The following LRRTM4 variants were observed in gnomAD, a reference collection of about 807,000 sequenced individuals.
LRRTM4 encodes the protein leucine-rich repeat transmembrane neuronal protein 4.
In LRRTM4, 25 loss-of-function variants were observed where a neutral mutation model predicts 47.6. That is an observed-to-expected ratio of 0.53 (90% confidence interval 0.38 to 0.73). The LOEUF is 0.73. LRRTM4 is among the 30% of genes least tolerant of loss of function. The probability of loss-of-function intolerance (pLI) is 0.00; values close to 1 mark genes in which losing one functional copy is unlikely to be tolerated. For missense variants in LRRTM4, 638 were observed against 713.4 expected (o/e 0.89, Z 1.20); for synonymous variants, 311 against 269.5 (o/e 1.15, Z -1.51).
At chr2:77,275,852 C>A (rs980728003) in intron 3 of LRRTM4, among the ~76,000 whole-genome samples, 1 of 151,886 alleles carries the variant, frequency 6.6e-6, no homozygotes, top group African/African-American at 2.4e-5. Context: ...ATAATAAGAG[C>A]TTTTCTCAGT....
chr2:77,006,240 T>C (rs1054198643), intron 3 of LRRTM4, among the ~76,000 whole-genome samples: 3 of 152,120 alleles, frequency 2.0e-5, no homozygotes, highest in East Asian at 3.9e-4. Context: ...TGGGCTAGGA[T>C]CCATTCTTTA....
chr2:77,341,042 T>C (rs992686749), intron 3 of LRRTM4, among the ~76,000 whole-genome samples: 10 of 151,896 alleles, frequency 6.6e-5, no homozygotes, highest in African/African-American at 2.4e-4. Context: ...ACAGTGGCTA[T>C]AGTGGATGTC....
At chr2:77,161,954 C>T (rs537014549) in intron 3 of LRRTM4, among the ~76,000 whole-genome samples, 18 of 152,268 alleles carry the variant, frequency 1.2e-4, no homozygotes, top group African/African-American at 3.1e-4. Context: ...CAGCTCCCAG[C>T]GTGAGCAACA....
At chr2:77,388,779 A>G (rs1003447941) in intron 3 of LRRTM4, among the ~76,000 whole-genome samples, 1 of 152,034 alleles carries the variant, frequency 6.6e-6, no homozygotes, top group Non-Finnish European at 1.5e-5. Flanking sequence ...CATTCACTGA[A>G]ATATATATAG....
intron 3 of LRRTM4, among the ~76,000 whole-genome samples, chr2:76,793,442 A>T (rs1573112918): frequency 6.6e-6 from 1 of 151,452 alleles, no homozygotes; most frequent in Non-Finnish European, 1.5e-5. Flanking sequence ...AGAATCAAGT[A>T]TTTTTTTTTC....
At chr2:76,880,259 AACTTTATTATCTATTTTTAAAAATTGC>A (rs1282463836) in intron 3 of LRRTM4, among the ~76,000 whole-genome samples, 2 of 152,154 alleles carry the variant, frequency 1.3e-5, no homozygotes, top group Admixed American at 6.5e-5. Context: ...CACCAAGGGA[AACTTTATTATCTATTTTTAAAAATTGC>A]CATAGCCACC....
Position 77,234,887 on chromosome 2 carries a change from C to G in LRRTM4, c.1551+283431G>C, listed in dbSNP as rs559486804. Among the ~76,000 whole-genome samples, 13 of 152,248 alleles carry G rather than the reference C, an allele frequency of 8.5e-5. 2 individuals are homozygous for G. In the South Asian group the frequency reaches 2.7e-3, roughly 32 times the overall value. ...GAACCTGGTTTATCAACACTTACCT[C>G]TTACCCTCCCTCCCCATCCAGTGTC... On this transcript the variant is annotated intron_variant, in intron 3 of 3. Transcript: ENST00000409884.
At chr2:77,063,185 C>T (rs1679847782) in intron 3 of LRRTM4, among the ~76,000 whole-genome samples, 1 of 152,054 alleles carries the variant, frequency 6.6e-6, no homozygotes, top group Admixed American at 6.6e-5. Context: ...GTCTCGAACG[C>T]CTGACCTCGT....
intron 3 of LRRTM4, among the ~76,000 whole-genome samples, chr2:76,951,042 A>G (rs1675476618): frequency 6.6e-6 from 1 of 152,112 alleles, no homozygotes; most frequent in Non-Finnish European, 1.5e-5. Context: ...GGAAATAAAT[A>G]CAGTAAGTGT....
chr2:76,989,330 T>A (rs1277224089), intron 3 of LRRTM4, among the ~76,000 whole-genome samples: 1 of 151,842 alleles, frequency 6.6e-6, no homozygotes, highest in Admixed American at 6.6e-5. Context: ...GCATTAGTGG[T>A]CTGTAAGAGG....
At chr2:77,477,824 G>C (rs1351110333) in intron 3 of LRRTM4, among the ~76,000 whole-genome samples, 3 of 131,660 alleles carry the variant, frequency 2.3e-5, no homozygotes, top group Admixed American at 8.3e-5. Flanking sequence ...GCGCAACAAG[G>C]CTGGAGCAAA....
chr2:76,926,961 G>A (rs1445949097), intron 3 of LRRTM4, among the ~76,000 whole-genome samples: 4 of 152,146 alleles, frequency 2.6e-5, no homozygotes, highest in Admixed American at 6.6e-5. Context: ...GCAAAGATAC[G>A]TGAAAATGTG....
intron 3 of LRRTM4, among the ~76,000 whole-genome samples, chr2:77,273,880 C>T (rs1476219210): frequency 6.6e-6 from 1 of 152,104 alleles, no homozygotes; most frequent in African/African-American, 2.4e-5. Flanking sequence ...ATTCCTTAAC[C>T]AGCATTTTCT....
At chr2:76,974,591 C>T (rs986159832) in intron 3 of LRRTM4, among the ~76,000 whole-genome samples, 1 of 151,218 alleles carries the variant, frequency 6.6e-6, no homozygotes, top group Non-Finnish European at 1.5e-5. Context: ...AAATAACTAT[C>T]CAAGTATATA....
chr2:77,318,726 C>A (rs1222393447), intron 3 of LRRTM4, among the ~76,000 whole-genome samples: 2 of 152,078 alleles, frequency 1.3e-5, no homozygotes, highest in African/African-American at 4.8e-5. Context: ...TGGGTAGTTT[C>A]TTAAAGGAGA....
chr2:76,891,036 G>A (rs991207482), intron 3 of LRRTM4, among the ~76,000 whole-genome samples: 2 of 151,684 alleles, frequency 1.3e-5, no homozygotes, highest in African/African-American at 2.4e-5. Context: ...TTGACATTTC[G>A]CTGGAATGAA....
At chr2:76,854,812 C>CTTT (rs66549743) in intron 3 of LRRTM4, among the ~76,000 whole-genome samples, 320 of 144,024 alleles carry the variant, frequency 2.2e-3, no homozygotes, top group East Asian at 4.5e-3. Context: ...AAAGAAAATC[C>CTTT]TTTTTTTTTT....
At chr2:77,467,034 C>T (rs781399075) in intron 3 of LRRTM4, among the ~76,000 whole-genome samples, 80 of 152,118 alleles carry the variant, frequency 5.3e-4, no homozygotes, top group Non-Finnish European at 1.0e-3. Flanking sequence ...GTTTGATAAA[C>T]TCAGTATTGG....
chr2:77,195,271 A>G, intron 3 of LRRTM4, among the ~76,000 whole-genome samples: 1 of 151,950 alleles, frequency 6.6e-6, no homozygotes, highest in African/African-American at 2.4e-5. Context: ...AGATTGACTC[A>G]TAATTTAAAA....
Sources: gnomAD v4.1 joint callset for allele counts (sites outside exome capture counted in the v4.1 genomes callset) on GRCh38, gnomAD v4.1.1 for gene constraint, MANE v1.5 for transcripts, NCBI Gene and HGNC (gene_info 2026-07-23, HGNC 2026-07-21) for gene names.